The following LHCGR variants were observed in gnomAD, a reference collection of about 807,000 sequenced individuals.
The protein encoded by LHCGR is lutropin-choriogonadotropic hormone receptor.
A neutral mutation model predicts 60.7 loss-of-function variants in LHCGR; 55 were observed. The observed-to-expected ratio is 0.91, with a 90% CI of 0.73 to 1.13. LHCGR has a LOEUF of 1.13. Among genes scored for constraint, LHCGR ranks in the 50% most tolerant of loss-of-function variants. The pLI is 0.00. For synonymous variants in LHCGR, 337 were observed against 316.5 expected (o/e 1.06, Z -0.69); for missense variants, 862 against 836.0 (o/e 1.03, Z -0.38).
At chr2:48,740,114 G>C (rs902114797) in intron 1 of LHCGR, among the ~76,000 whole-genome samples, 1 of 152,222 alleles carries the variant, frequency 6.6e-6, no homozygotes, top group Non-Finnish European at 1.5e-5. Context: ...ACTCCCACCC[G>C]AATACTGCTC....
intron 1 of LHCGR, among the ~76,000 whole-genome samples, chr2:48,743,662 C>G (rs1320398601): frequency 6.6e-6 from 1 of 152,144 alleles, no homozygotes; most frequent in East Asian, 1.9e-4. Context: ...GCTAAAAACT[C>G]TCAATAAATT....
intron 10 of LHCGR, among the ~76,000 whole-genome samples, chr2:48,691,573 C>T (rs1419990171): frequency 2.6e-5 from 4 of 152,036 alleles, no homozygotes; most frequent in African/African-American, 9.7e-5. Context: ...AGGCCGGGCG[C>T]GGTGGCTCAT....
chr2:48,715,966 C>A (rs919306233), intron 6 of LHCGR, among the ~76,000 whole-genome samples: 2 of 152,104 alleles, frequency 1.3e-5, no homozygotes, highest in African/African-American at 4.8e-5. Context: ...GCAGCTTTGC[C>A]CTTCCCCGGG....
chr2:48,736,310 G>T (rs1201371397), intron 1 of LHCGR, among the ~76,000 whole-genome samples: 1 of 152,100 alleles, frequency 6.6e-6, no homozygotes, highest in Non-Finnish European at 1.5e-5. Context: ...CTCCGGGTGG[G>T]ACTACTCAGA....
intron 1 of LHCGR, among the ~76,000 whole-genome samples, chr2:48,736,179 T>A (rs934045878): frequency 1.3e-5 from 2 of 152,124 alleles, no homozygotes; most frequent in African/African-American, 4.8e-5. Flanking sequence ...TTTATAGCAG[T>A]GTGAGAATGG....
intron 4 of LHCGR, among the ~76,000 whole-genome samples, chr2:48,724,716 A>T (rs866060061): frequency 5.3e-5 from 8 of 152,298 alleles, no homozygotes; most frequent in Middle Eastern, 6.8e-3. Context: ...AAAGTAGTTG[A>T]TGCTACCGTA....
At chr2:48,702,448 G>T (rs1275447393) in intron 8 of LHCGR, among the ~76,000 whole-genome samples, 1 of 151,780 alleles carries the variant, frequency 6.6e-6, no homozygotes, top group African/African-American at 2.4e-5. Context: ...GGTGTGTGAT[G>T]TTCCCCCTCC....
intron 10 of LHCGR, among the ~76,000 whole-genome samples, chr2:48,693,031 C>A (rs977916343): frequency 6.6e-6 from 1 of 152,056 alleles, no homozygotes; most frequent in Non-Finnish European, 1.5e-5. Context: ...GTCTTCCTTC[C>A]CCTCAAACCA....
At chr2:48,702,294 A>T (rs534725248) in intron 8 of LHCGR, among the ~76,000 whole-genome samples, 1 of 150,094 alleles carries the variant, frequency 6.7e-6, no homozygotes, top group African/African-American at 2.5e-5. Context: ...TTTAAGTTCT[A>T]GGGTACATGT....
chr2:48,748,767 C>G (rs970014896), intron 1 of LHCGR, among the ~76,000 whole-genome samples: 1 of 152,154 alleles, frequency 6.6e-6, no homozygotes, highest in African/African-American at 2.4e-5. Flanking sequence ...TTTATCTTCA[C>G]TATATCTGGT....
At chr2:48,692,491 T>C (rs554217862) in intron 10 of LHCGR, among the ~76,000 whole-genome samples, 1 of 152,256 alleles carries the variant, frequency 6.6e-6, no homozygotes, top group Non-Finnish European at 1.5e-5. Context: ...TACTGGTATT[T>C]GTGTCCTGGG....
chr2:48,716,396 G>C (rs1383743008), intron 6 of LHCGR, among the ~76,000 whole-genome samples: 1 of 152,116 alleles, frequency 6.6e-6, no homozygotes, highest in African/African-American at 2.4e-5. Context: ...ATACTCCCAG[G>C]TGCCAGGCAC....
At chr2:48,742,126 C>G (rs1479649392) in intron 1 of LHCGR, among the ~76,000 whole-genome samples, 2 of 151,804 alleles carry the variant, frequency 1.3e-5, no homozygotes, top group African/African-American at 2.4e-5. Context: ...GGGATCAATT[C>G]AACAAGAAGA....
At chr2:48,735,873 T>G (rs1249585409) in intron 1 of LHCGR, among the ~76,000 whole-genome samples, 1 of 152,138 alleles carries the variant, frequency 6.6e-6, no homozygotes, top group Non-Finnish European at 1.5e-5. Context: ...TTCCCAGTGT[T>G]GGAGGTGGGG....
intron 1 of LHCGR, among the ~76,000 whole-genome samples, chr2:48,734,004 A>G (rs562233547): frequency 3.3e-5 from 5 of 152,174 alleles, no homozygotes; most frequent in South Asian, 2.1e-4. Context: ...CTGCAATTCC[A>G]CTCCTGTATA....
At chr2:48,695,105 T>A (rs1409152367) in intron 9 of LHCGR, among the ~76,000 whole-genome samples, 1 of 152,204 alleles carries the variant, frequency 6.6e-6, no homozygotes, top group Non-Finnish European at 1.5e-5. Flanking sequence ...AATGCTGTTC[T>A]ATTCATGCCC....
intron 6 of LHCGR, among the ~76,000 whole-genome samples, chr2:48,722,839 C>A (rs187276073): frequency 6.6e-6 from 1 of 152,280 alleles, no homozygotes; most frequent in Non-Finnish European, 1.5e-5. Context: ...TGCTGAAGAT[C>A]ATGGCTCATA....
intron 9 of LHCGR, among the ~76,000 whole-genome samples, chr2:48,697,882 A>C (rs1233199523): frequency 6.6e-6 from 1 of 152,258 alleles, no homozygotes; most frequent in East Asian, 1.9e-4. Context: ...CATATTACAT[A>C]TTAAAAAGTT....
At chr2:48,705,116 C>G (rs1049239319) in intron 8 of LHCGR, among the ~76,000 whole-genome samples, 3 of 152,154 alleles carry the variant, frequency 2.0e-5, no homozygotes, top group Admixed American at 2.0e-4. Context: ...TTTCAAAGAA[C>G]ATTTTTATTT....
Sources: gnomAD v4.1 joint callset for allele counts (sites outside exome capture counted in the v4.1 genomes callset) on GRCh38, gnomAD v4.1.1 for gene constraint, MANE v1.5 for transcripts, NCBI Gene and HGNC (gene_info 2026-07-23, HGNC 2026-07-21) for gene names.